CDC20B: variants seen among roughly 807,000 people sequenced by gnomAD.
CDC20B encodes the protein cell division cycle protein 20 homolog B.
In CDC20B, 58 loss-of-function variants were observed where a neutral mutation model predicts 64.1. The observed-to-expected ratio is 0.90, with a 90% CI of 0.73 to 1.13. The LOEUF (loss-of-function observed/expected upper bound fraction) is 1.13. CDC20B is among the 50% of genes most tolerant of loss of function. The probability of loss-of-function intolerance (pLI) is 0.00; values close to 1 mark genes in which losing one functional copy is unlikely to be tolerated. For missense variants in CDC20B, 597 were observed against 633.0 expected (o/e 0.94, Z 0.61); for synonymous variants, 243 against 230.6 (o/e 1.05, Z -0.49).
chr5:55,137,678 G>C (rs979797238), intron 5 of CDC20B: 1 of 456,730 alleles, frequency 2.2e-6, no homozygotes, highest in Non-Finnish European at 4.4e-6. Context: ...AGTCAAGTTG[G>C]AGGAATGGCC....
intron 8 of CDC20B, 43 bp downstream of exon 8, chr5:55,127,214 T>C (rs930783134): frequency 6.6e-7 from 1 of 1,514,110 alleles, no homozygotes. Flanking sequence ...CCATAATCAA[T>C]TGTTAATACA....
In CDC20B at chr5:55,114,960, C is replaced by CCA. The variant is rs1378773856; in HGVS notation, c.1460-644_1460-643dup. Reference sequence around the variant, plus strand: ...CTTTAGGAGACCATTTATCAGCCTACCACACCCTTCATGCCCTATACTGTT... The same window carrying CCA: ...CTTTAGGAGACCATTTATCAGCCTACCACACACCCTTCATGCCCTATACTGTT... On this transcript the variant is annotated intron_variant, in intron 11 of 11. Transcript: ENST00000381375. The surrounding 1 kb of genome is among the most constrained non-coding windows in gnomAD (Gnocchi z 4.1). Among the ~76,000 whole-genome samples, 1 of 152,198 alleles carries CCA rather than the reference C, an allele frequency of 6.6e-6. No individual in the cohort carries two copies. Among genetic ancestry groups the CCA allele is most frequent in the Non-Finnish European group, 1.5e-5 (1 of 68,034 alleles).
At chr5:55,147,657 A>G (rs1296607374) in intron 2 of CDC20B, among the ~76,000 whole-genome samples, 1 of 151,858 alleles carries the variant, frequency 6.6e-6, no homozygotes, top group Non-Finnish European at 1.5e-5. Context: ...AAAAAACACC[A>G]AAATGCCACT....
chr5:55,159,673 G>C (rs1169758067), intron 2 of CDC20B, among the ~76,000 whole-genome samples: 2 of 152,130 alleles, frequency 1.3e-5, no homozygotes, highest in Non-Finnish European at 2.9e-5. Flanking sequence ...ATATTTCCCT[G>C]CTCTTTCCAC....
intron 2 of CDC20B, among the ~76,000 whole-genome samples, chr5:55,169,326 CTT>C (rs972669408): frequency 1.6e-4 from 24 of 152,200 alleles, no homozygotes; most frequent in African/African-American, 5.8e-4. Context: ...TTACCAATAA[CTT>C]ATAATCCAGT....
intron 6 of CDC20B, among the ~76,000 whole-genome samples, chr5:55,130,050 G>T (rs947885343): frequency 1.2e-4 from 18 of 152,252 alleles, no homozygotes; most frequent in Admixed American, 8.5e-4. Context: ...TCTCCATGAA[G>T]TGAAGAAAAA....
At chr5:55,147,253 TTA>T (rs1194522198) in intron 2 of CDC20B, among the ~76,000 whole-genome samples, 1 of 108,204 alleles carries the variant, frequency 9.2e-6, no homozygotes, top group East Asian at 3.1e-4. Flanking sequence ...CATAAATATG[TTA>T]TGTTTTATAT....
chr5:55,171,341 A>T (rs1744592642), intron 2 of CDC20B, among the ~76,000 whole-genome samples: 1 of 152,218 alleles, frequency 6.6e-6, no homozygotes, highest in Admixed American at 6.5e-5. Context: ...TTACTTAACT[A>T]TAGCTTTTCA....
intron 9 of CDC20B, 59 bp from the exon 10 acceptor site, chr5:55,120,609 A>AT (rs2111800427): frequency 1.3e-6 from 2 of 1,595,630 alleles, no homozygotes; most frequent in East Asian, 4.5e-5. Context: ...GCACTCATGA[A>AT]TGTGATGCAC....
intron 3 of CDC20B, among the ~76,000 whole-genome samples, chr5:55,144,936 G>C (rs1743429715): frequency 6.6e-6 from 1 of 152,144 alleles, no homozygotes; most frequent in Non-Finnish European, 1.5e-5. Context: ...GCAAAGCACT[G>C]AGAAACCAGT....
chr5:55,127,943 G>A (rs1742935194), intron 7 of CDC20B, among the ~76,000 whole-genome samples: 1 of 152,074 alleles, frequency 6.6e-6, no homozygotes, highest in Non-Finnish European at 1.5e-5. Flanking sequence ...GCACATGAGT[G>A]ATATTGTTTA....
intron 9 of CDC20B, among the ~76,000 whole-genome samples, chr5:55,121,846 G>A (rs1348625347): frequency 6.6e-6 from 1 of 152,056 alleles, no homozygotes; most frequent in Non-Finnish European, 1.5e-5. Flanking sequence ...TGTTCCTCTA[G>A]CACTTCCCAC....
intron 2 of CDC20B, chr5:55,161,403 T>C (rs1744056859): frequency 1.3e-6 from 1 of 762,584 alleles, no homozygotes; most frequent in South Asian, 1.9e-5. Context: ...TCATCCTTTG[T>C]AACTTCTAGG....
In CDC20B at chr5:55,133,417, T is replaced by C. The variant is rs762005943; in HGVS notation, c.692A>G (p.Asp231Gly). The change falls in exon 6 of 12, where the codon GAC becomes GGC. Residue 231 changes from aspartate (D) to glycine (G), a missense_variant. Physicochemically the swap from Asp to Gly is moderately conservative, Grantham distance 94. Coordinates refer to ENST00000381375, the MANE Select transcript of CDC20B (RefSeq NM_001170402.1). ...VKIHITGLRN[D>G]YYLNILDWSF... ...CAATCTAAATGATAACTTACAGTAG[T>C]CATTTCGAAGACCAGTAATATGAAT... 3.3e-6 allele frequency: 5 copies of C among 1,498,648 alleles called. No individual in the cohort carries two copies. Among genetic ancestry groups the C allele is most frequent in the Non-Finnish European group, 3.7e-6 (4 of 1,088,776 alleles). The allele number at this position is 1,498,648 out of a possible 1,614,324, so 92.8% of individuals were successfully genotyped here.
intron 2 of CDC20B, chr5:55,164,205 A>G (rs1231390192): frequency 6.4e-7 from 1 of 1,555,226 alleles, no homozygotes; most frequent in South Asian, 1.2e-5. Flanking sequence ...ATAAAAAAGA[A>G]AGAGGATCTA....
intron 2 of CDC20B, chr5:55,160,937 A>G: frequency 6.4e-7 from 1 of 1,559,838 alleles, no homozygotes; most frequent in Non-Finnish European, 8.6e-7. Flanking sequence ...CTACTTGCAG[A>G]ATTTTTTAAA....
rs1424121360 is a variant in CDC20B, at chr5:55,172,957, G to T, written c.44C>A (p.Thr15Lys). 3 of 1,611,372 alleles carry T rather than the reference G, an allele frequency of 1.9e-6. No homozygotes were observed. The highest frequency in any genetic ancestry group is 2.5e-6 in the Non-Finnish European group (3 of 1,178,980). ...ACTCACCCACAGCATCTCCTCTTCC[G>T]TGCGGACCCTCCGAGGCGCGGTGCG... ...LERTAPRRVR[T>K]EEEMLWESIM... Residue 15 changes from threonine to lysine, a missense_variant, in exon 1 of 12, where the codon ACG (threonine) becomes AAG (lysine). Coordinates refer to ENST00000381375, the MANE Select transcript of CDC20B (RefSeq NM_001170402.1).
chr5:55,170,739 G>A (rs1400482017), intron 2 of CDC20B: 1 of 524,668 alleles, frequency 1.9e-6, no homozygotes, highest in Non-Finnish European at 4.0e-6. Flanking sequence ...CCTGATTCAG[G>A]TCACTGCCGA....
At chr5:55,168,833 G>T (rs1316042998) in intron 2 of CDC20B, among the ~76,000 whole-genome samples, 3 of 152,174 alleles carry the variant, frequency 2.0e-5, no homozygotes, top group Admixed American at 2.0e-4. Flanking sequence ...AGGGGTAGAA[G>T]GAAGGAATAC....
Sources: allele counts gnomAD v4.1 joint callset (sites outside exome capture counted in the v4.1 genomes callset), GRCh38; gene constraint gnomAD v4.1.1; non-coding constraint Gnocchi (gnomAD v3.1); transcripts MANE v1.5; gene names NCBI Gene and HGNC (gene_info 2026-07-23, HGNC 2026-07-21).